The following RDX variants were observed in gnomAD, a reference collection of about 807,000 sequenced individuals.
RDX encodes deafness, autosomal recessive 24.
Under a neutral mutation model 83.7 loss-of-function variants are expected in RDX, and 32 were observed. The ratio of observed to expected loss-of-function variants is 0.38; its 90% CI spans 0.29 to 0.51. The LOEUF (loss-of-function observed/expected upper bound fraction) is 0.51. RDX is among the 20% of genes least tolerant of loss of function. RDX has a pLI of 0.87. For synonymous variants in RDX, 229 were observed against 222.7 expected (o/e 1.03, Z -0.25); for missense variants, 600 against 689.9 (o/e 0.87, Z 1.46).
intron 3 of RDX, among the ~76,000 whole-genome samples, chr11:110,265,109 G>GTTTTTTTTTTTTTTTT (rs71053876): frequency 6.6e-5 from 6 of 90,692 alleles, no homozygotes; most frequent in Non-Finnish European, 1.3e-4. Flanking sequence ...TTTTTTTTTT[G>GTTTTTTTTTTTTTTTT]TTTTTTTTTT....
At chr11:110,197,041 G>A (rs1049123260) in intron 15 of RDX, among the ~76,000 whole-genome samples, 3 of 152,172 alleles carry the variant, frequency 2.0e-5, no homozygotes, top group African/African-American at 7.2e-5. Context: ...TGGGATCACA[G>A]GCATGTGCCA....
intron 15 of RDX, among the ~76,000 whole-genome samples, chr11:110,178,319 A>C (rs1037981682): frequency 1.1e-4 from 15 of 130,776 alleles, no homozygotes; most frequent in African/African-American, 4.7e-4. Flanking sequence ...CCCTTTGCCC[A>C]AATCAGGGGT....
At chr11:110,217,315 TTG>T (rs984143657) in intron 14 of RDX, among the ~76,000 whole-genome samples, 6 of 152,188 alleles carry the variant, frequency 3.9e-5, no homozygotes, top group African/African-American at 1.4e-4. Context: ...GTAATACAAT[TTG>T]TATTAATTAT....
intron 14 of RDX, among the ~76,000 whole-genome samples, chr11:110,216,294 T>C (rs775607067): frequency 6.6e-6 from 1 of 152,178 alleles, no homozygotes; most frequent in Non-Finnish European, 1.5e-5. Context: ...ACCTGGAATT[T>C]TAAAGCAAGG....
chr11:110,278,229 CTTT>C (rs200954462), intron 2 of RDX, among the ~76,000 whole-genome samples: 11 of 149,204 alleles, frequency 7.4e-5, no homozygotes, highest in Non-Finnish European at 1.3e-4. Flanking sequence ...TGTAAGTTTT[CTTT>C]TTTTTTTAAT....
rs760963268 is a variant in RDX, at chr11:110,255,329, T to A, written c.755A>T (p.Asp252Val). ...GATTGGCTTTATAACAAATTTTTTG[T>A]CATTAAATGAAATATTTCTGATTTC... is the stretch of plus-strand genomic sequence containing the variant. The part of the protein sequence containing the change: ...WSEIRNISFN[D>V]KKFVIKPIDK... The change falls in exon 8 of 14, where the codon GAC becomes GTC. Residue 252 changes from aspartate to valine, a missense_variant. By Grantham distance (152) the Asp-to-Val change is radical. Transcript: ENST00000645495. 1 of 1,595,544 alleles carries A rather than the reference T, an allele frequency of 6.3e-7. No individual in the cohort carries two copies. The highest frequency in any genetic ancestry group is 1.3e-5 in the African/African-American group (1 of 74,654).
At position 110,221,601 on chromosome 11, in the gene RDX, A is replaced by AACACACACACAC. The variant is rs60766252; in HGVS notation, c.1748+10260_1748+10271dup. Among the ~76,000 whole-genome samples the AACACACACACAC allele has an allele frequency of 2.0e-3, 273 of 133,586 alleles. 1 individual carries two copies. Among genetic ancestry groups the AACACACACACAC allele is most frequent in the African/African-American group, 4.5e-3 (158 of 34,808 alleles). The allele number at this position is 133,586 out of a possible 152,430, so 87.6% of individuals were successfully genotyped here. A position where few individuals can be genotyped will look rare whatever the true frequency, so the allele number is the denominator to read the frequency against. On this transcript the variant is annotated intron_variant, in intron 14 of 15. Coordinates refer to the RDX transcript ENST00000528498. ...CAACAGAGCAAGACCCTGTCTCCAAAACACACACACACACACACACACACA... is the reference window on the plus strand; with the variant it reads ...CAACAGAGCAAGACCCTGTCTCCAAAACACACACACACACACACACACACACACACACACACA...
intron 12 of RDX, among the ~76,000 whole-genome samples, chr11:110,235,217 G>A (rs1303288715): frequency 1.3e-5 from 2 of 152,118 alleles, no homozygotes; most frequent in African/African-American, 2.4e-5. Context: ...GTGCATGCCT[G>A]TAGTCTCGGC....
chr11:110,266,725 A>G (rs1439900776), intron 3 of RDX, among the ~76,000 whole-genome samples: 1 of 151,952 alleles, frequency 6.6e-6, no homozygotes. Context: ...ATTCCACCAC[A>G]CCTAGTTAAT....
chr11:110,277,634 A>C (rs1860573749), intron 2 of RDX, among the ~76,000 whole-genome samples: 1 of 151,946 alleles, frequency 6.6e-6, no homozygotes. Flanking sequence ...AGTCTTTAAT[A>C]TAGCTTCTTT....
intron 15 of RDX, among the ~76,000 whole-genome samples, chr11:110,183,207 T>C (rs1862922020): frequency 6.6e-6 from 1 of 152,208 alleles, no homozygotes; most frequent in Non-Finnish European, 1.5e-5. Flanking sequence ...ACCCAGGACC[T>C]GCCAGCTCCT....
At chr11:110,191,854 C>T (rs532397009) in intron 15 of RDX, among the ~76,000 whole-genome samples, 1 of 151,670 alleles carries the variant, frequency 6.6e-6, no homozygotes, top group Non-Finnish European at 1.5e-5. Flanking sequence ...GACTCTGTCT[C>T]AAAATAAAAC....
chr11:110,240,526 G>A (rs1397035532), intron 10 of RDX, among the ~76,000 whole-genome samples: 3 of 146,628 alleles, frequency 2.0e-5, no homozygotes, highest in African/African-American at 5.1e-5. Flanking sequence ...GGCGGATCAC[G>A]AGGTCAGGAG....
chr11:110,228,417 T>C (rs953937501), downstream of RDX, among the ~76,000 whole-genome samples: 2 of 152,074 alleles, frequency 1.3e-5, no homozygotes, highest in African/African-American at 4.8e-5. Flanking sequence ...TTCTGTTCAT[T>C]TAGAACAGAC....
At chr11:110,266,951 T>G (rs933748011) in intron 3 of RDX, among the ~76,000 whole-genome samples, 6 of 151,962 alleles carry the variant, frequency 3.9e-5, no homozygotes, top group African/African-American at 1.5e-4. Context: ...CAGGCTGGAG[T>G]GCAGTGGTGC....
intron 15 of RDX, among the ~76,000 whole-genome samples, chr11:110,175,676 C>A (rs557034697): frequency 6.8e-4 from 104 of 152,304 alleles, no homozygotes; most frequent in African/African-American, 2.4e-3. Flanking sequence ...AGCCCTCTCC[C>A]CACTGCTCTC....
intron 14 of RDX, among the ~76,000 whole-genome samples, chr11:110,204,723 G>A (rs1424402993): frequency 6.6e-6 from 1 of 151,982 alleles, no homozygotes; most frequent in East Asian, 1.9e-4. Context: ...TACCATGTTG[G>A]TCAGGCTGGT....
chr11:110,288,661 C>T (rs1020318739), intron 1 of RDX, among the ~76,000 whole-genome samples: 1 of 152,080 alleles, frequency 6.6e-6, no homozygotes, highest in Non-Finnish European at 1.5e-5. Context: ...ACACAGTCAA[C>T]GAGGCTATAT....
At chr11:110,294,954 T>G (rs748310716) in intron 1 of RDX, among the ~76,000 whole-genome samples, 20 of 152,220 alleles carry the variant, frequency 1.3e-4, no homozygotes, top group Admixed American at 4.6e-4. Context: ...TGTCTATTCA[T>G]TCCTTGCTAA....
Sources: gnomAD v4.1 joint callset for allele counts (sites outside exome capture counted in the v4.1 genomes callset) on GRCh38, gnomAD v4.1.1 for gene constraint, MANE v1.5 for transcripts, NCBI Gene and HGNC (gene_info 2026-07-23, HGNC 2026-07-21) for gene names.